HDGFL2: variants seen among roughly 807,000 people sequenced by gnomAD.
The protein encoded by HDGFL2 is hepatoma-derived growth factor-related protein 2.
A neutral mutation model predicts 77.1 loss-of-function variants in HDGFL2; 36 were observed. The ratio of observed to expected loss-of-function variants is 0.47; its 90% CI spans 0.36 to 0.62. The LOEUF (loss-of-function observed/expected upper bound fraction) is 0.62, where lower values mean the gene tolerates loss of function less well. Ranked by LOEUF, HDGFL2 falls within the 20% of genes least tolerant of loss-of-function variation. The pLI, the probability that HDGFL2 is intolerant of heterozygous loss-of-function variation, is 0.00. For missense variants in HDGFL2, 976 were observed against 973.4 expected (o/e 1.00, Z -0.04); for synonymous variants, 463 against 413.1 (o/e 1.12, Z -1.46).
intron 3 of HDGFL2, among the ~76,000 whole-genome samples, chr19:4,477,215 C>G (rs1975095105): frequency 6.6e-6 from 1 of 152,150 alleles, no homozygotes; most frequent in Non-Finnish European, 1.5e-5. Context: ...GTGGTGACAC[C>G]TGCCACGCAC....
chr19:4,497,853 A>T, intron 10 of HDGFL2, 105 bp from the exon 11 acceptor site: 1 of 1,034,568 alleles, frequency 9.7e-7, no homozygotes, highest in Non-Finnish European at 1.4e-6. Context: ...AGGGCCTCCC[A>T]AAGGTTTCCT....
chr19:4,475,599 G>A lies in HDGFL2; in HGVS notation c.288+16G>A. ...CGCCCCTCCGGTGAGTACCCGGGGT[G>A]GAGAGCCAGTGTGAAGCGCGCTACT... On this transcript the variant is annotated intron_variant, in intron 3 of 15. Coordinates refer to ENST00000616600, the MANE Select transcript of HDGFL2 (RefSeq NM_001001520.3). The A allele has an allele frequency of 1.3e-6, 2 of 1,561,622 alleles. No homozygotes were observed. Among genetic ancestry groups the A allele is most frequent in the Non-Finnish European group, 1.7e-6 (2 of 1,160,612 alleles).
intron 3 of HDGFL2, among the ~76,000 whole-genome samples, chr19:4,484,880 C>T (rs1231668003): frequency 6.6e-6 from 1 of 151,926 alleles, no homozygotes; most frequent in Admixed American, 6.6e-5. Flanking sequence ...ACCATGTTAG[C>T]AAGGATGGTC....
rs778001615 is a variant in HDGFL2, at chr19:4,491,575, T to C, written c.499T>C (p.Ser167Pro). The C allele has an allele frequency of 6.2e-7, 1 of 1,613,624 alleles. No individual in the cohort carries two copies. Among genetic ancestry groups the C allele is most frequent in the Non-Finnish European group, 8.5e-7 (1 of 1,179,980 alleles). ...GCCGTTCCCCTTCCAGATGTCGGTC[T>C]CGAAACGAGCCCGAAAGGCCTCCAG... ...RKTPALKMSV[S>P]KRARKASSDL... The change falls in exon 5 of 16, where the codon TCG becomes CCG. Residue 167 changes from serine to proline, a missense_variant. Physicochemically the swap from Ser to Pro is moderately conservative, Grantham distance 74 (BLOSUM62 -1). Coordinates refer to ENST00000616600, the MANE Select transcript of HDGFL2 (RefSeq NM_001001520.3).
intron 6 of HDGFL2, among the ~76,000 whole-genome samples, chr19:4,492,496 G>C (rs918579539): frequency 4.6e-5 from 7 of 152,024 alleles, no homozygotes; most frequent in South Asian, 2.1e-4. Flanking sequence ...TGTGCATACT[G>C]TTCATGTATC....
intron 3 of HDGFL2, among the ~76,000 whole-genome samples, chr19:4,480,718 CA>C (rs543568916): frequency 6.6e-6 from 1 of 150,558 alleles, no homozygotes; most frequent in Admixed American, 6.6e-5. Flanking sequence ...GACTCCGTCT[CA>C]AAAAAAAAGT....
At chr19:4,481,824 C>T (rs1975226112) in intron 3 of HDGFL2, among the ~76,000 whole-genome samples, 1 of 151,914 alleles carries the variant, frequency 6.6e-6, no homozygotes, top group Non-Finnish European at 1.5e-5. Context: ...TGGGAGAGTC[C>T]GGTGAGAAAT....
At chr19:4,493,327 C>A (rs1018249142) in intron 6 of HDGFL2, among the ~76,000 whole-genome samples, 1 of 144,346 alleles carries the variant, frequency 6.9e-6, no homozygotes, top group Non-Finnish European at 1.5e-5. Flanking sequence ...CTGTGTGTGG[C>A]GTGTGTGTTT....
chr19:4,477,199 G>A (rs1035341430), intron 3 of HDGFL2, among the ~76,000 whole-genome samples: 1 of 152,136 alleles, frequency 6.6e-6, no homozygotes, highest in Admixed American at 6.6e-5. Context: ...ATCCGCAGAC[G>A]TTTCGGTGGT....
rs1243025968 is a variant in HDGFL2 at position 4,499,604 on chromosome 19, G to A, written c.1689G>A (p.Lys563=). Residue 563 remains lysine (K), a synonymous_variant, in exon 14 of 16, where the codon AAG becomes AAA. Coordinates refer to ENST00000616600, the MANE Select transcript of HDGFL2 (RefSeq NM_001001520.3). ...TCGAGGCGGTGCAGAAAGTGAACAA[G>A]GCTGGGATGGAGAAGGAGAAGGCCG... ...PKIEAVQKVN[K]AGMEKEKAEE... is the part of the protein sequence containing the mutation. 6.2e-7 allele frequency: 1 copy of A among 1,608,744 alleles called. No individual in the cohort carries two copies. The highest frequency in any genetic ancestry group is 1.3e-5 in the African/African-American group (1 of 75,006).
At chr19:4,482,212 C>G (rs1304552953) in intron 3 of HDGFL2, among the ~76,000 whole-genome samples, 1 of 121,732 alleles carries the variant, frequency 8.2e-6, no homozygotes, top group Non-Finnish European at 1.8e-5. Context: ...TTTTTTCTTT[C>G]TTTCTTTTTT....
intron 3 of HDGFL2, among the ~76,000 whole-genome samples, chr19:4,477,899 G>A (rs1323925630): frequency 2.0e-5 from 3 of 151,940 alleles, no homozygotes; most frequent in Non-Finnish European, 4.4e-5. Context: ...GGCCAAGATG[G>A]TGAAACCCAG....
chr19:4,496,387 A>C lies in HDGFL2; in HGVS notation c.1310A>C (p.Glu437Ala), dbSNP rs777824560. ...PGQKEKRVRP[E>A]EKQQAKPVKV... ...CAGAAGGAGAAGAGAGTGCGGCCCG[A>C]GGAGAAGCAACAAGCCAAGTGAGCC... The change falls in exon 10 of 16, where the codon GAG becomes GCG. Residue 437 changes from glutamate to alanine, a missense_variant. Physicochemically the swap from Glu to Ala is moderately radical, Grantham distance 107. This residue lies in a region of HDGFL2 where 567 missense variants were observed against 534.7 expected (regional missense o/e 1.06). Transcript: ENST00000616600. The C allele has an allele frequency of 3.6e-5, 58 of 1,613,724 alleles. No homozygotes were observed. The highest frequency in any genetic ancestry group is 4.8e-5 in the Non-Finnish European group (57 of 1,179,886).
intron 9 of HDGFL2, among the ~76,000 whole-genome samples, chr19:4,495,505 C>T (rs10408895): frequency 0.024 from 3,569 of 151,872 alleles, 139 homozygotes; most frequent in African/African-American, 0.081. Flanking sequence ...CAGAGGACTG[C>T]GCCTGGCGTG....
chr19:4,498,768 G>A (rs1169407303), intron 12 of HDGFL2, 46 bp from the exon 13 acceptor site: 2 of 1,358,156 alleles, frequency 1.5e-6, no homozygotes, highest in Admixed American at 1.9e-5. Flanking sequence ...GACCCCTGGG[G>A]ATCCCTTGGC....
intron 4 of HDGFL2, among the ~76,000 whole-genome samples, chr19:4,489,255 CT>C (rs1568210861): frequency 1.1e-5 from 1 of 95,180 alleles, no homozygotes; most frequent in African/African-American, 4.7e-5. Flanking sequence ...GCCTGGCCAC[CT>C]TTCTTTTTTT....
chr19:4,498,615 C>T (rs572465538), intron 12 of HDGFL2, among the ~76,000 whole-genome samples, 199 bp from the exon 13 acceptor site: 1 of 152,214 alleles, frequency 6.6e-6, no homozygotes, highest in Non-Finnish European at 1.5e-5. Context: ...CCAGGACCAA[C>T]CCCCACGTAC....
intron 11 of HDGFL2, 119 bp downstream of exon 11, chr19:4,498,150 C>A: frequency 1.7e-6 from 2 of 1,205,388 alleles, no homozygotes; most frequent in Non-Finnish European, 2.4e-6. Flanking sequence ...CATCCTCGGC[C>A]GGCCTGGCCG....
In HDGFL2 at chr19:4,481,364, A is replaced by G. The variant is rs947904144; in HGVS notation, c.288+5781A>G. Among the ~76,000 whole-genome samples the G allele has an allele frequency of 4.0e-5, 6 of 151,836 alleles. No individual in the cohort carries two copies. In the South Asian group the frequency reaches 6.2e-4, roughly 16 times the overall value. ...CGCCACCACTCCTGGCTAATTTTTTATATTTTTAGTAGAGACGGGGTTTCA... is the reference window on the plus strand; with the variant it reads ...CGCCACCACTCCTGGCTAATTTTTTGTATTTTTAGTAGAGACGGGGTTTCA... On this transcript the variant is annotated intron_variant, in intron 3 of 15. Transcript: ENST00000616600.
Sources: gnomAD v4.1 joint callset for allele counts (sites outside exome capture counted in the v4.1 genomes callset) on GRCh38, gnomAD v4.1.1 for gene constraint, gnomAD v4.1.1 regional missense constraint, MANE v1.5 for transcripts, NCBI Gene and HGNC (gene_info 2026-07-23, HGNC 2026-07-21) for gene names.